The following PPARA variants were observed in gnomAD, a reference collection of about 807,000 sequenced individuals.
PPARA encodes the protein peroxisome proliferator-activated receptor alpha.
Under a neutral mutation model 42.2 loss-of-function variants are expected in PPARA, and 22 were observed. That is an observed-to-expected ratio of 0.52 (90% CI 0.37 to 0.74). The LOEUF is 0.74. Among genes scored for constraint, PPARA ranks in the 30% least tolerant of loss-of-function variants. The pLI, the probability that PPARA is intolerant of heterozygous loss-of-function variation, is 0.00. For synonymous variants in PPARA, 242 were observed against 239.3 expected (o/e 1.01, Z -0.10); for missense variants, 465 against 608.2 (o/e 0.76, Z 2.48).
At chr22:46,181,636 T>C (rs1929985090) in intron 3 of PPARA, among the ~76,000 whole-genome samples, 2 of 152,192 alleles carry the variant, frequency 1.3e-5, no homozygotes, top group African/African-American at 4.8e-5. Flanking sequence ...GGCCTTCTTT[T>C]AATGTCGGGT....
rs1223876688 is a variant in PPARA at position 46,216,154 on chromosome 22, G to A, written c.369+821G>A. On this transcript the variant is annotated intron_variant, in intron 5 of 8. Coordinates refer to ENST00000407236, the MANE Select transcript of PPARA (RefSeq NM_005036.6). The surrounding 1 kb of genome is among the most constrained non-coding windows in gnomAD (Gnocchi z 4.5). ...TCTCAGCACTTTGGGAGGCCGAGGC[G>A]GCTGGATCACCTGAGGTCAGGAGTT... Among the ~76,000 whole-genome samples, 1 of 152,044 alleles carries A rather than the reference G, an allele frequency of 6.6e-6. No individual in the cohort carries two copies. Among genetic ancestry groups the A allele is most frequent in the African/African-American group, 2.4e-5 (1 of 41,406 alleles).
chr22:46,201,509 G>C (rs568026716), intron 4 of PPARA, among the ~76,000 whole-genome samples: 2 of 152,150 alleles, frequency 1.3e-5, no homozygotes, highest in Non-Finnish European at 2.9e-5. Flanking sequence ...GGCTGGAGGA[G>C]AGCAAGGAAA....
In PPARA at chr22:46,240,378, GT is replaced by G. The variant is rs2147746013; in HGVS notation, c.*5001del. 2.5e-6 allele frequency: 1 copy of G among 396,636 alleles called. No homozygotes were observed. The highest frequency in any genetic ancestry group is 4.4e-6 in the Non-Finnish European group (1 of 225,254). The allele number at this position is 396,636 out of a possible 1,614,324, so 24.6% of individuals were successfully genotyped here. A position where few individuals can be genotyped will look rare whatever the true frequency, so the allele number is the denominator to read the frequency against. ...CTCCACCTCCTGCAGCCTCCCTGTT[GT>G]TTCTAGACTCTTGCACCTGGTGAGT... On this transcript the variant is annotated 3_prime_UTR_variant, in exon 9 of 9. Transcript: ENST00000407236. This position sits in a 1 kb window ranked among gnomAD's most constrained non-coding sequence, Gnocchi z 6.0.
Position 46,241,355 on chromosome 22 carries a change from G to A in PPARA, c.*5975G>A, listed in dbSNP as rs1427752107. On this transcript the variant is annotated 3_prime_UTR_variant, in exon 9 of 9. Coordinates refer to ENST00000407236, the MANE Select transcript of PPARA (RefSeq NM_005036.6). The surrounding 1 kb of genome is among the most constrained non-coding windows in gnomAD (Gnocchi z 5.7). ...TCCATATATTTCTCTGGAAACCACA[G>A]TGTACACTAAAATGTGAAATTGAAG... 6.6e-6 allele frequency: 1 copy of A among 152,238 alleles called. No homozygotes were observed. The highest frequency in any genetic ancestry group is 2.4e-5 in the African/African-American group (1 of 41,466). 9.4% of individuals were successfully genotyped at this position (152,238 alleles called of 1,614,324 possible). A position where few individuals can be genotyped will look rare whatever the true frequency, so the allele number is the denominator to read the frequency against.
rs1394997826 is a variant in PPARA, at chr22:46,200,691, G to A, written c.208+2100G>A. 2.6e-5 allele frequency among the ~76,000 whole-genome samples: 4 copies of A among 152,286 alleles called. No homozygotes were observed. The highest frequency in any genetic ancestry group is 1.3e-4 in the Admixed American group (2 of 15,296). On this transcript the variant is annotated intron_variant, in intron 4 of 8. Transcript: ENST00000407236. The surrounding 1 kb of genome is among the most constrained non-coding windows in gnomAD (Gnocchi z 4.8). ...AACACTTTGGGAGGCTGAGGCAGGC[G>A]GATCACCCGAGGTCAGGAGTTCAAG...
intron 2 of PPARA, among the ~76,000 whole-genome samples, chr22:46,153,496 G>A (rs1365715353): frequency 6.6e-6 from 1 of 152,090 alleles, no homozygotes; most frequent in Non-Finnish European, 1.5e-5. Flanking sequence ...ACGTAAAGTA[G>A]GAGACGTGTC....
In PPARA at chr22:46,217,819, C is replaced by CTTTTTTTTTTTTTTTTT. The variant is rs60894989; in HGVS notation, c.370-431_370-415dup. ...GACTTCTTAGAAGAACTATTTCTTT[C>CTTTTTTTTTTTTTTTTT]TTTTTTTTTTTTTTTTTTTTTTTTT... On this transcript the variant is annotated intron_variant, in intron 5 of 8. Coordinates refer to ENST00000407236, the MANE Select transcript of PPARA (RefSeq NM_005036.6). Among the ~76,000 whole-genome samples, 21 of 77,058 alleles carry CTTTTTTTTTTTTTTTTT rather than the reference C, an allele frequency of 2.7e-4. 2 individuals are homozygous for CTTTTTTTTTTTTTTTTT. The highest frequency in any genetic ancestry group is 1.1e-3 in the African/African-American group (18 of 16,192). The allele number at this position is 77,058 out of a possible 152,430, so 50.6% of individuals were successfully genotyped here. A position where few individuals can be genotyped will look rare whatever the true frequency, so the allele number is the denominator to read the frequency against.
chr22:46,223,313 A>C (rs985133288), intron 7 of PPARA, among the ~76,000 whole-genome samples: 1 of 152,142 alleles, frequency 6.6e-6, no homozygotes, highest in Admixed American at 6.5e-5. Context: ...TGCAGCAACT[A>C]GCAGGCGGGA....
intron 3 of PPARA, among the ~76,000 whole-genome samples, chr22:46,181,238 T>G (rs1424182616): frequency 6.6e-6 from 1 of 151,900 alleles, no homozygotes; most frequent in African/African-American, 2.4e-5. Context: ...GGGAGGTGTG[T>G]GAAAGAGATG....
intron 4 of PPARA, among the ~76,000 whole-genome samples, chr22:46,208,644 A>C (rs115689392): frequency 6.6e-6 from 1 of 152,070 alleles, no homozygotes; most frequent in Non-Finnish European, 1.5e-5. Flanking sequence ...AGATCACTAA[A>C]TCTTATTCTT....
rs1218652648 is a variant in PPARA at position 46,182,265 on chromosome 22, A to C, written c.-43+5429A>C. ...ATACAGAGTCTAGTCCTGAATGTCT[A>C]TAGCTGCTTTATTTATAATAGCTCA... On this transcript the variant is annotated intron_variant, in intron 3 of 8. Coordinates refer to ENST00000407236, the MANE Select transcript of PPARA (RefSeq NM_005036.6). This position sits in a 1 kb window ranked among gnomAD's most constrained non-coding sequence, Gnocchi z 5.2. Among the ~76,000 whole-genome samples, 1 of 152,240 alleles carries C rather than the reference A, an allele frequency of 6.6e-6. No individual in the cohort carries two copies. Among genetic ancestry groups the C allele is most frequent in the South Asian group, 2.1e-4 (1 of 4,834 alleles).
At position 46,233,480 on chromosome 22, in the gene PPARA, G is replaced by T. The variant is rs561468132; in HGVS notation, c.1159+1241G>T. On this transcript the variant is annotated intron_variant, in intron 8 of 8. Transcript: ENST00000407236. This position sits in a 1 kb window ranked among gnomAD's most constrained non-coding sequence, Gnocchi z 7.3. ...GCCTGCAGCCATACTGCGCCTGGGG[G>T]ATTGACTCACTGTCAGCATGGAGCT... 1.3e-5 allele frequency among the ~76,000 whole-genome samples: 2 copies of T among 152,344 alleles called. No individual in the cohort carries two copies. The highest frequency in any genetic ancestry group is 1.3e-4 in the Admixed American group (2 of 15,302).
chr22:46,161,816 C>T lies in PPARA; in HGVS notation c.-127+9846C>T, dbSNP rs926207553. Among the ~76,000 whole-genome samples the T allele has an allele frequency of 5.9e-5, 9 of 152,152 alleles. No homozygotes were observed. The highest frequency in any genetic ancestry group is 3.3e-4 in the Admixed American group (5 of 15,272). Reference sequence around the variant, plus strand: ...GCCCTCAGTGGCGTTCCCTTTTCCGCGCTAGCGTTTGGTCCCTGCGCTTTT... The same window carrying T: ...GCCCTCAGTGGCGTTCCCTTTTCCGTGCTAGCGTTTGGTCCCTGCGCTTTT... On this transcript the variant is annotated intron_variant, in intron 2 of 8. Coordinates refer to ENST00000407236, the MANE Select transcript of PPARA (RefSeq NM_005036.6). This position sits in a 1 kb window ranked among gnomAD's most constrained non-coding sequence, Gnocchi z 4.8.
chr22:46,216,521 G>A lies in PPARA; in HGVS notation c.369+1188G>A, dbSNP rs1047108359. ...GTGGGGCAGGTGTTCTCATGCTCCT[G>A]CCAGGGAAATTGGCCATCAGAGACA... is the stretch of plus-strand genomic sequence containing the variant. On this transcript the variant is annotated intron_variant, in intron 5 of 8. Coordinates refer to ENST00000407236, the MANE Select transcript of PPARA (RefSeq NM_005036.6). The surrounding 1 kb of genome is among the most constrained non-coding windows in gnomAD (Gnocchi z 4.5). Among the ~76,000 whole-genome samples the A allele has an allele frequency of 4.6e-5, 7 of 152,204 alleles. No individual in the cohort carries two copies. The highest frequency in any genetic ancestry group is 1.4e-4 in the African/African-American group (6 of 41,448).
rs556052777 is a variant in PPARA, at chr22:46,230,160, T to C, written c.712-1632T>C. ...GCTGAGGTGGGCAGATTACCTGAGG[T>C]CAGGAGTGCGACACCAGCCTGACCA... On this transcript the variant is annotated intron_variant, in intron 7 of 8. Coordinates refer to ENST00000407236, the MANE Select transcript of PPARA (RefSeq NM_005036.6). The surrounding 1 kb of genome is among the most constrained non-coding windows in gnomAD (Gnocchi z 5.0). 6.6e-6 allele frequency among the ~76,000 whole-genome samples: 1 copy of C among 152,254 alleles called. No homozygotes were observed. The highest frequency in any genetic ancestry group is 1.9e-4 in the East Asian group (1 of 5,174).
Position 46,167,305 on chromosome 22 carries a change from G to T in PPARA, c.-126-9448G>T, listed in dbSNP as rs1927222280. ...TTATATTATGTAATATATATTATATGATACTGTTATGTCATATAATTATTA... is the reference window on the plus strand; with the variant it reads ...TTATATTATGTAATATATATTATATTATACTGTTATGTCATATAATTATTA... On this transcript the variant is annotated intron_variant, in intron 2 of 8. Transcript: ENST00000407236. The surrounding 1 kb of genome is among the most constrained non-coding windows in gnomAD (Gnocchi z 4.1). 6.6e-6 allele frequency among the ~76,000 whole-genome samples: 1 copy of T among 151,112 alleles called. No individual in the cohort carries two copies. Among genetic ancestry groups the T allele is most frequent in the South Asian group, 2.1e-4 (1 of 4,794 alleles).
rs1412951905 is a variant in PPARA at position 46,173,293 on chromosome 22, C to T, written c.-126-3460C>T. Reference sequence around the variant, plus strand: ...TGAATAGGAATGTAGCTCTGGGAACCTCTAGTTCCAAATAAGAAAGCCTTG... The same window carrying T: ...TGAATAGGAATGTAGCTCTGGGAACTTCTAGTTCCAAATAAGAAAGCCTTG... On this transcript the variant is annotated intron_variant, in intron 2 of 8. Coordinates refer to ENST00000407236, the MANE Select transcript of PPARA (RefSeq NM_005036.6). This position sits in a 1 kb window ranked among gnomAD's most constrained non-coding sequence, Gnocchi z 4.3. 6.6e-6 allele frequency among the ~76,000 whole-genome samples: 1 copy of T among 152,156 alleles called. No homozygotes were observed. The highest frequency in any genetic ancestry group is 2.1e-4 in the South Asian group (1 of 4,830).
In PPARA at chr22:46,167,294, ATATAT is replaced by A. The variant is rs974739045; in HGVS notation, c.-126-9453_-126-9449del. On this transcript the variant is annotated intron_variant, in intron 2 of 8. Transcript: ENST00000407236. The surrounding 1 kb of genome is among the most constrained non-coding windows in gnomAD (Gnocchi z 4.1). ...CATGTTACATATTATATTATGTAAT[ATATAT>A]TATATGATACTGTTATGTCATATAA... Among the ~76,000 whole-genome samples, 1 of 151,244 alleles carries A rather than the reference ATATAT, an allele frequency of 6.6e-6. No individual in the cohort carries two copies. The highest frequency in any genetic ancestry group is 1.5e-5 in the Non-Finnish European group (1 of 67,890).
chr22:46,186,138 A>C (rs1930770270), intron 3 of PPARA, among the ~76,000 whole-genome samples: 1 of 151,336 alleles, frequency 6.6e-6, no homozygotes, highest in Admixed American at 6.6e-5. Flanking sequence ...TTTGCTGAGA[A>C]CTTAGATACC....
Sources: allele counts gnomAD v4.1 joint callset (sites outside exome capture counted in the v4.1 genomes callset), GRCh38; gene constraint gnomAD v4.1.1; non-coding constraint Gnocchi (gnomAD v3.1); transcripts MANE v1.5; gene names NCBI Gene and HGNC (gene_info 2026-07-23, HGNC 2026-07-21).